ADGRL2: variants seen among roughly 807,000 people sequenced by gnomAD.
The protein encoded by ADGRL2 is adhesion G protein-coupled receptor L2, also known as calcium-independent alpha-latrotoxin receptor 2.
In ADGRL2, 44 loss-of-function variants were observed where a neutral mutation model predicts 157.4. That is an observed-to-expected ratio of 0.28 (90% CI 0.22 to 0.36). The LOEUF (loss-of-function observed/expected upper bound fraction) is 0.36. Ranked by LOEUF, ADGRL2 falls within the 10% of genes least tolerant of loss-of-function variation. The pLI, the probability that ADGRL2 is intolerant of heterozygous loss-of-function variation, is 1.00. For synonymous variants in ADGRL2, 585 were observed against 624.7 expected, an observed-to-expected ratio of 0.94 and a Z score of 0.95; for missense variants, 1,510 against 1,768.9, an observed-to-expected ratio of 0.85 and a Z score of 2.63.
chr1:81,898,299 A>C (rs148246708), intron 2 of ADGRL2, among the ~76,000 whole-genome samples: 11 of 152,314 alleles, frequency 7.2e-5, no homozygotes, highest in African/African-American at 2.4e-4. Flanking sequence ...ACTTATATAC[A>C]AATTACAACA....
chr1:81,315,772 T>A (rs1570596890), intron 1 of ADGRL2, among the ~76,000 whole-genome samples: 1 of 46,408 alleles, frequency 2.2e-5, no homozygotes, highest in Non-Finnish European at 5.8e-5. Context: ...GCAATTAGTT[T>A]TTTTTTTTGA....
intron 1 of ADGRL2, among the ~76,000 whole-genome samples, chr1:81,715,950 T>C (rs1399587179): frequency 6.6e-6 from 1 of 152,108 alleles, no homozygotes; most frequent in South Asian, 2.1e-4. Flanking sequence ...AAGTTAGGGA[T>C]GGTTTGCCTC....
intron 1 of ADGRL2, among the ~76,000 whole-genome samples, chr1:81,811,986 G>A (rs913928761): frequency 6.6e-6 from 1 of 151,632 alleles, no homozygotes; most frequent in Non-Finnish European, 1.5e-5. Context: ...TTTGTGAAAA[G>A]TTTGTGTATC....
intron 2 of ADGRL2, among the ~76,000 whole-genome samples, chr1:81,526,412 T>C (rs1241382856): frequency 6.6e-6 from 1 of 152,222 alleles, no homozygotes; most frequent in Non-Finnish European, 1.5e-5. Context: ...ATCAAATTCA[T>C]GTCAATATTA....
chr1:81,519,135 A>T (rs963138478), intron 2 of ADGRL2, among the ~76,000 whole-genome samples: 12 of 152,208 alleles, frequency 7.9e-5, no homozygotes, highest in Admixed American at 6.5e-4. Flanking sequence ...AGAGACCTAA[A>T]CCCAGCTATT....
intron 3 of ADGRL2, among the ~76,000 whole-genome samples, chr1:81,685,206 A>C (rs376221647): frequency 6.6e-6 from 1 of 152,094 alleles, no homozygotes. Context: ...ATTGCATTGA[A>C]TTTGTAGATT....
At chr1:81,818,366 C>T (rs554972714) in intron 1 of ADGRL2, among the ~76,000 whole-genome samples, 19 of 152,234 alleles carry the variant, frequency 1.2e-4, no homozygotes, top group African/African-American at 4.3e-4. Context: ...TTGGATTTTA[C>T]ATTCAAGATG....
intron 2 of ADGRL2, among the ~76,000 whole-genome samples, chr1:81,878,901 A>G (rs183880845): frequency 1.3e-5 from 2 of 152,332 alleles, no homozygotes; most frequent in Admixed American, 6.5e-5. Context: ...ATTCTAGTTT[A>G]ATTAGTTCAT....
chr1:81,312,523 A>G (rs1042281857), intron 1 of ADGRL2, among the ~76,000 whole-genome samples: 19 of 152,318 alleles, frequency 1.2e-4, no homozygotes, highest in African/African-American at 4.6e-4. Context: ...CAGTTCCTCC[A>G]AATATTCGGG....
chr1:81,458,330 G>A (rs980520700), intron 2 of ADGRL2, among the ~76,000 whole-genome samples: 12 of 152,210 alleles, frequency 7.9e-5, no homozygotes, highest in African/African-American at 2.9e-4. Flanking sequence ...CATAGCTTTA[G>A]AATTTATTCA....
At chr1:81,455,629 G>C (rs2077789457) in intron 2 of ADGRL2, among the ~76,000 whole-genome samples, 1 of 152,190 alleles carries the variant, frequency 6.6e-6, no homozygotes, top group Non-Finnish European at 1.5e-5. Flanking sequence ...CTCCCTGTAG[G>C]AGTTGAAGAA....
At chr1:81,444,916 T>C (rs544846842) in intron 1 of ADGRL2, 26 of 152,316 alleles carry the variant, frequency 1.7e-4, no homozygotes, top group African/African-American at 5.8e-4. Context: ...CCTTCATCAT[T>C]TGAATCTAAT....
At chr1:81,651,675 T>C (rs2082422793) in intron 3 of ADGRL2, among the ~76,000 whole-genome samples, 1 of 152,140 alleles carries the variant, frequency 6.6e-6, no homozygotes, top group East Asian at 1.9e-4. Context: ...TCATTATATT[T>C]TGGTATAAGT....
At chr1:81,449,578 G>A (rs1196672905) in intron 2 of ADGRL2, among the ~76,000 whole-genome samples, 2 of 152,086 alleles carry the variant, frequency 1.3e-5, no homozygotes, top group Admixed American at 6.6e-5. Context: ...TACAACAGTT[G>A]AATTATGGCC....
intron 4 of ADGRL2, among the ~76,000 whole-genome samples, chr1:81,939,061 G>A (rs1444731858): frequency 6.6e-6 from 1 of 151,482 alleles, no homozygotes; most frequent in African/African-American, 2.4e-5. Flanking sequence ...TCTATCCCCA[G>A]TAAATCCTCC....
chr1:81,971,964 C>T (rs1239246382), intron 17 of ADGRL2, 46 bp downstream of exon 17: 9 of 1,215,420 alleles, frequency 7.4e-6, no homozygotes, highest in Non-Finnish European at 1.1e-5. Context: ...GCTGCTTTAG[C>T]AGTGCTATTC....
At chr1:81,583,950 C>T (rs894912561) in intron 3 of ADGRL2, among the ~76,000 whole-genome samples, 11 of 152,110 alleles carry the variant, frequency 7.2e-5, no homozygotes. Context: ...GATATTAATA[C>T]GTTGGGGTTT....
chr1:81,448,715 A>T (rs1424003326), intron 2 of ADGRL2, among the ~76,000 whole-genome samples: 1 of 152,142 alleles, frequency 6.6e-6, no homozygotes, highest in Non-Finnish European at 1.5e-5. Context: ...AAACAAAAAA[A>T]CAATGAAAGG....
At chr1:81,537,484 C>T (rs1260205436) in intron 2 of ADGRL2, among the ~76,000 whole-genome samples, 1 of 151,726 alleles carries the variant, frequency 6.6e-6, no homozygotes. Flanking sequence ...CGGGGTTTCT[C>T]CACGTTGGTC....
Sources: allele counts gnomAD v4.1 joint callset (sites outside exome capture counted in the v4.1 genomes callset), GRCh38; gene constraint gnomAD v4.1.1; transcripts MANE v1.5; gene names NCBI Gene and HGNC (gene_info 2026-07-23, HGNC 2026-07-21).